The following TADA2A variants were observed in gnomAD, a reference collection of about 807,000 sequenced individuals.
TADA2A encodes transcriptional adaptor 2A.
TADA2A carries 38 observed loss-of-function variants against 67.4 expected under a neutral mutation model. The observed-to-expected ratio is 0.56, with a 90% CI of 0.44 to 0.74. The LOEUF is 0.74. Among genes scored for constraint, TADA2A ranks in the 30% least tolerant of loss-of-function variants. TADA2A has a pLI of 0.00. For missense variants in TADA2A, 454 were observed against 547.0 expected (o/e 0.83, Z 1.70); for synonymous variants, 192 against 181.6 (o/e 1.06, Z -0.46).
chr17:37,442,495 G>A, intron 6 of TADA2A, 69 bp from the exon 7 acceptor site: 1 of 1,111,768 alleles, frequency 9.0e-7, no homozygotes, highest in Non-Finnish European at 1.3e-6. Flanking sequence ...TTTATTCTTG[G>A]ACTATTATGT....
chr17:37,439,377 G>A (rs2052830048), intron 5 of TADA2A, among the ~76,000 whole-genome samples: 1 of 152,094 alleles, frequency 6.6e-6, no homozygotes, highest in East Asian at 1.9e-4. Flanking sequence ...CAACCTTCCA[G>A]GCTCAAGTGA....
Position 37,460,492 on chromosome 17 carries a change from A to G in TADA2A, c.669-1586A>G, listed in dbSNP as rs528175400. Among the ~76,000 whole-genome samples the G allele has an allele frequency of 3.4e-3, 515 of 151,556 alleles. 6 individuals carry two copies. The highest frequency in any genetic ancestry group is 4.8e-3 in the Non-Finnish European group (326 of 67,836). ...ACTCCAGGCCTCAGGTGATCCGCCC[A>G]CCTCAGCCTCCCAAAGTGCTGGGAT... On this transcript the variant is annotated intron_variant, in intron 9 of 15. Transcript: ENST00000615182.
chr17:37,439,945 ATTT>A (rs3987837), intron 5 of TADA2A, among the ~76,000 whole-genome samples: 47,832 of 94,274 alleles, frequency 0.51, 8,482 homozygotes, highest in Middle Eastern at 0.59. Flanking sequence ...TTTATTTATT[ATTT>A]TTTTTTTTTT....
At chr17:37,435,004 T>C (rs1293162885) in intron 4 of TADA2A, among the ~76,000 whole-genome samples, 1 of 152,200 alleles carries the variant, frequency 6.6e-6, no homozygotes, top group African/African-American at 2.4e-5. Flanking sequence ...CCCAGCACTT[T>C]GGGAGGCCCA....
intron 12 of TADA2A, among the ~76,000 whole-genome samples, chr17:37,468,742 A>G (rs1245067439): frequency 1.3e-5 from 2 of 152,180 alleles, no homozygotes; most frequent in Non-Finnish European, 2.9e-5. Flanking sequence ...ATATAAGCAT[A>G]GCACAGTATC....
chr17:37,454,064 G>A (rs60633550), intron 8 of TADA2A: 19,806 of 151,940 alleles, frequency 0.13, 1,471 homozygotes, highest in East Asian at 0.25. Flanking sequence ...GTGAGCCATC[G>A]TGCCTGGCTG....
intron 12 of TADA2A, among the ~76,000 whole-genome samples, chr17:37,470,058 AAAAAC>A (rs1366214603): frequency 6.6e-6 from 1 of 152,216 alleles, no homozygotes; most frequent in Non-Finnish European, 1.5e-5. Flanking sequence ...TAAAAATAGA[AAAAAC>A]AGGAAGCAAA....
intron 12 of TADA2A, among the ~76,000 whole-genome samples, chr17:37,467,813 G>A (rs527849282): frequency 6.6e-6 from 1 of 152,286 alleles, no homozygotes; most frequent in South Asian, 2.1e-4. Flanking sequence ...CGGGTGCAGT[G>A]GCTCACACCT....
chr17:37,416,511 GTTTTC>G (rs2052052455), intron 2 of TADA2A, among the ~76,000 whole-genome samples: 1 of 151,742 alleles, frequency 6.6e-6, no homozygotes, highest in Admixed American at 6.6e-5. Flanking sequence ...AAAGTTTTTT[GTTTTC>G]TTTTTATTAA....
At chr17:37,429,299 T>C (rs1464554248) in intron 4 of TADA2A, among the ~76,000 whole-genome samples, 3 of 152,170 alleles carry the variant, frequency 2.0e-5, no homozygotes, top group Non-Finnish European at 4.4e-5. Flanking sequence ...TAATCCAGGA[T>C]AGTCTCTCTA....
intron 4 of TADA2A, among the ~76,000 whole-genome samples, chr17:37,437,266 T>A (rs1307724324): frequency 1.3e-5 from 2 of 151,084 alleles, no homozygotes; most frequent in Non-Finnish European, 2.9e-5. Context: ...TAATTTTTTA[T>A]ATTTTTAGTA....
chr17:37,411,447 G>T, intron 2 of TADA2A, 57 bp downstream of exon 2: 1 of 1,504,360 alleles, frequency 6.6e-7, no homozygotes. Context: ...TTTTGAGATG[G>T]ACTCTCCCTC....
intron 4 of TADA2A, among the ~76,000 whole-genome samples, chr17:37,430,756 T>C (rs994612888): frequency 6.6e-6 from 1 of 152,228 alleles, no homozygotes; most frequent in African/African-American, 2.4e-5. Flanking sequence ...CTTTGGTGTG[T>C]CTGTGATGTA....
chr17:37,447,268 T>A (rs1487250246), intron 8 of TADA2A, among the ~76,000 whole-genome samples: 1 of 152,148 alleles, frequency 6.6e-6, no homozygotes, highest in East Asian at 1.9e-4. Context: ...CTCAAGCGAT[T>A]CTCGTGCCTC....
intron 4 of TADA2A, among the ~76,000 whole-genome samples, chr17:37,433,191 G>T (rs1044490991): frequency 1.2e-4 from 18 of 151,764 alleles, no homozygotes; most frequent in African/African-American, 4.4e-4. Flanking sequence ...GGACTGAAGG[G>T]ATCCTCCCAC....
At chr17:37,428,916 G>A (rs1310193849) in intron 4 of TADA2A, among the ~76,000 whole-genome samples, 1 of 151,796 alleles carries the variant, frequency 6.6e-6, no homozygotes, top group Admixed American at 6.6e-5. Flanking sequence ...TGTGGTGGTG[G>A]GCGCCTGTAG....
intron 8 of TADA2A, among the ~76,000 whole-genome samples, chr17:37,449,082 G>T (rs529691797): frequency 6.6e-6 from 1 of 151,534 alleles, no homozygotes; most frequent in East Asian, 1.9e-4. Context: ...GTGCAGTGGC[G>T]CGATCTTGGC....
chr17:37,474,664 A>G, intron 15 of TADA2A, 35 bp downstream of exon 15: 1 of 1,585,314 alleles, frequency 6.3e-7, no homozygotes, highest in Non-Finnish European at 8.6e-7. Flanking sequence ...GAAAGAGAAT[A>G]GGGGCTGATT....
rs944842546 is a variant in TADA2A, at chr17:37,463,877, C to T, written c.713-1554C>T. Among the ~76,000 whole-genome samples the T allele has an allele frequency of 8.6e-5, 13 of 151,940 alleles. No homozygotes were observed. The East Asian group carries it at 1.8e-3, about 21-fold the overall frequency. ...CTGAGGCAGGAGAATCGCTTGAACCCGGGAGGCGGAGGTCGCAGTGAGCCA... is the reference window on the plus strand; with the variant it reads ...CTGAGGCAGGAGAATCGCTTGAACCTGGGAGGCGGAGGTCGCAGTGAGCCA... On this transcript the variant is annotated intron_variant, in intron 10 of 15. Coordinates refer to ENST00000615182, the MANE Select transcript of TADA2A (RefSeq NM_001166105.3).
Sources: gnomAD v4.1 joint callset for allele counts (sites outside exome capture counted in the v4.1 genomes callset) on GRCh38, gnomAD v4.1.1 for gene constraint, MANE v1.5 for transcripts, NCBI Gene and HGNC (gene_info 2026-07-23, HGNC 2026-07-21) for gene names.